FYN: variants seen among roughly 807,000 people sequenced by gnomAD.
FYN encodes tyrosine-protein kinase Fyn.
In FYN, 10 loss-of-function variants were observed where a neutral mutation model predicts 70.2. The observed-to-expected ratio is 0.14, with a 90% confidence interval of 0.09 to 0.24. The LOEUF (loss-of-function observed/expected upper bound fraction) is 0.24, where lower values mean the gene tolerates loss of function less well. FYN is among the 10% of genes least tolerant of loss of function. The probability of loss-of-function intolerance (pLI) is 1.00; values close to 1 mark genes in which losing one functional copy is unlikely to be tolerated. For missense variants in FYN, 319 were observed against 673.1 expected, an observed-to-expected ratio of 0.47 and a Z score of 5.82; for synonymous variants, 236 against 248.6, an observed-to-expected ratio of 0.95 and a Z score of 0.48.
At chr6:111,716,025 C>T (rs1225664290) in intron 4 of FYN, among the ~76,000 whole-genome samples, 1 of 152,192 alleles carries the variant, frequency 6.6e-6, no homozygotes, top group Non-Finnish European at 1.5e-5. Context: ...TAAGATAATA[C>T]ACTGTTATTA....
Position 111,694,693 on chromosome 6 carries a change from C to T in FYN, c.1054G>A (p.Asp352Asn). ...CTTCCTTCTCCATCTTTTAAGAAAT[C>T]CAGTAAACTTCCTATGAACAAAACA... ...TEYMNKGSLLDFLKDGEGRAL... is the reference protein window; with the variant it reads ...TEYMNKGSLLNFLKDGEGRAL... Residue 352 changes from aspartate (D) to asparagine (N), a missense_variant, in exon 11 of 14, where the codon GAT becomes AAT. Coordinates refer to ENST00000354650, the MANE Select transcript of FYN (RefSeq NM_002037.5). This position sits in a 1 kb window ranked among gnomAD's most constrained non-coding sequence, Gnocchi z 5.0. 6.2e-7 allele frequency: 1 copy of T among 1,613,004 alleles called. No homozygotes were observed. Among genetic ancestry groups the T allele is most frequent in the Non-Finnish European group, 8.5e-7 (1 of 1,179,244 alleles).
intron 5 of FYN, among the ~76,000 whole-genome samples, chr6:111,713,067 T>C (rs1423855036): frequency 6.6e-6 from 1 of 152,116 alleles, no homozygotes; most frequent in African/African-American, 2.4e-5. Flanking sequence ...TCCTAATATA[T>C]GTTTGAAAAC....
intron 12 of FYN, among the ~76,000 whole-genome samples, chr6:111,683,597 ACT>A (rs1006529844): frequency 6.6e-6 from 1 of 152,108 alleles, no homozygotes; most frequent in African/African-American, 2.4e-5. Context: ...AACAATAGAC[ACT>A]GTTTTTCTGA....
At chr6:111,796,778 G>A (rs1771818548) in intron 2 of FYN, among the ~76,000 whole-genome samples, 2 of 152,190 alleles carry the variant, frequency 1.3e-5, no homozygotes, top group African/African-American at 4.8e-5. Context: ...GTGGGTAAGG[G>A]GAGTGGCAGG....
intron 13 of FYN, among the ~76,000 whole-genome samples, chr6:111,668,019 A>G (rs1236654587): frequency 1.3e-5 from 2 of 152,266 alleles, no homozygotes; most frequent in African/African-American, 4.8e-5. Flanking sequence ...AACGTTGTGC[A>G]TAAGGCCTTG....
chr6:111,729,516 C>T (rs1263252154), intron 3 of FYN, among the ~76,000 whole-genome samples: 1 of 150,794 alleles, frequency 6.6e-6, no homozygotes, highest in Non-Finnish European at 1.5e-5. Context: ...GTCCTTTAAC[C>T]TGTAAATGTG....
chr6:111,812,245 G>A lies in FYN; in HGVS notation c.-81-31610C>T, dbSNP rs183061233. On this transcript the variant is annotated intron_variant, in intron 2 of 13. Transcript: ENST00000354650. ...AACAGGGCTGTGGCTGGGCAGGAGT[G>A]GGGGTGACAAGGCCTCTGGGAGGAG... Among the ~76,000 whole-genome samples the A allele has an allele frequency of 6.6e-5, 10 of 152,194 alleles. No individual in the cohort carries two copies. The East Asian group carries it at 1.7e-3, about 26-fold the overall frequency.
intron 2 of FYN, chr6:111,798,210 G>A (rs1290402795): frequency 6.6e-6 from 1 of 152,138 alleles, no homozygotes; most frequent in Non-Finnish European, 1.5e-5. Flanking sequence ...TTAAATCAAA[G>A]AGAAAGTATA....
chr6:111,864,084 C>G (rs951675428), intron 1 of FYN, among the ~76,000 whole-genome samples: 1 of 152,140 alleles, frequency 6.6e-6, no homozygotes, highest in African/African-American at 2.4e-5. Context: ...TATTTGTGCT[C>G]TTTTCTTATT....
intron 2 of FYN, among the ~76,000 whole-genome samples, chr6:111,835,801 AAAAAAGGAG>A (rs1268615823): frequency 7.2e-6 from 1 of 138,012 alleles, no homozygotes; most frequent in Non-Finnish European, 1.5e-5. Flanking sequence ...GGCAAAAAGG[AAAAAAGGAG>A]AAAAAGGAGA....
chr6:111,708,601 C>T (rs1800221037), intron 5 of FYN, among the ~76,000 whole-genome samples: 1 of 152,178 alleles, frequency 6.6e-6, no homozygotes, highest in South Asian at 2.1e-4. Flanking sequence ...CACCTCTCTG[C>T]AGGTAGAATG....
At chr6:111,783,088 T>G (rs1171287845) in intron 2 of FYN, among the ~76,000 whole-genome samples, 1 of 152,208 alleles carries the variant, frequency 6.6e-6, no homozygotes, top group Non-Finnish European at 1.5e-5. Flanking sequence ...CCCTCCATCT[T>G]ATCAGCCTTT....
At chr6:111,691,668 G>A (rs1333509514) in intron 12 of FYN, among the ~76,000 whole-genome samples, 1 of 152,186 alleles carries the variant, frequency 6.6e-6, no homozygotes, top group African/African-American at 2.4e-5. Context: ...TTGTCCCAGT[G>A]CTGGAAAAGG....
chr6:111,871,691 C>G (rs938211620), intron 1 of FYN, among the ~76,000 whole-genome samples: 5 of 152,172 alleles, frequency 3.3e-5, no homozygotes, highest in African/African-American at 1.2e-4. Context: ...TTCTTGTGAC[C>G]CCCACACCAA....
In FYN at chr6:111,780,624, G is replaced by T. The variant is rs1180658203; in HGVS notation, c.-70C>A. 6.6e-6 allele frequency: 1 copy of T among 152,576 alleles called. No homozygotes were observed. Among genetic ancestry groups the T allele is most frequent in the Admixed American group, 6.5e-5 (1 of 15,284 alleles). 9.5% of individuals were successfully genotyped at this position (152,576 alleles called of 1,614,324 possible). On this transcript the variant is annotated 5_prime_UTR_variant, in exon 3 of 14. Transcript: ENST00000354650. Reference sequence around the variant, plus strand: ...ACACCACATGTCTTCTACAACAGAGGCAGGACTGGTCCTGAAAAACAATAC... The same window carrying T: ...ACACCACATGTCTTCTACAACAGAGTCAGGACTGGTCCTGAAAAACAATAC...
chr6:111,673,197 C>G lies in FYN; in HGVS notation c.1405+1302G>C, dbSNP rs894231206. Among the ~76,000 whole-genome samples the G allele has an allele frequency of 1.2e-4, 18 of 152,230 alleles. 2 individuals carry two copies. Among genetic ancestry groups the G allele is most frequent in the Admixed American group, 3.3e-4 (5 of 15,286 alleles). ...CCCTTGAGAAGCAATTCAGAAACAC[C>G]CACGCTGTGCTCCATCCCCCAGGGC... is the stretch of plus-strand genomic sequence containing the variant. On this transcript the variant is annotated intron_variant, in intron 13 of 13. Coordinates refer to ENST00000354650, the MANE Select transcript of FYN (RefSeq NM_002037.5).
rs1220804658 is a variant in FYN at position 111,804,957 on chromosome 6, T to C, written c.-81-24322A>G. 2.0e-5 allele frequency among the ~76,000 whole-genome samples: 3 copies of C among 152,198 alleles called. No homozygotes were observed. The East Asian group carries it at 5.8e-4, about 29-fold the overall frequency. ...ATCAAAGTACACCAGGTGATTCTTATGTTTCTTCCAGGCCTCTCTGCCTTA... is the reference window on the plus strand; with the variant it reads ...ATCAAAGTACACCAGGTGATTCTTACGTTTCTTCCAGGCCTCTCTGCCTTA... On this transcript the variant is annotated intron_variant, in intron 2 of 13. Coordinates refer to ENST00000354650, the MANE Select transcript of FYN (RefSeq NM_002037.5).
chr6:111,685,237 C>G (rs562391270), intron 12 of FYN, among the ~76,000 whole-genome samples: 1 of 152,182 alleles, frequency 6.6e-6, no homozygotes, highest in African/African-American at 2.4e-5. Context: ...CCAGCCACCC[C>G]CAGAAGGGGC....
intron 3 of FYN, among the ~76,000 whole-genome samples, chr6:111,721,268 A>G (rs1800924686): frequency 6.6e-6 from 1 of 152,050 alleles, no homozygotes; most frequent in African/African-American, 2.4e-5. Flanking sequence ...GGGCCTGTTT[A>G]TTTGTCTCAT....
Sources: allele counts gnomAD v4.1 joint callset (sites outside exome capture counted in the v4.1 genomes callset), GRCh38; gene constraint gnomAD v4.1.1; non-coding constraint Gnocchi (gnomAD v3.1); transcripts MANE v1.5; gene names NCBI Gene and HGNC (gene_info 2026-07-23, HGNC 2026-07-21).